Variants in PCDHGA3 observed in about 807,000 individuals in gnomAD.
PCDHGA3 encodes protocadherin gamma-A3.
PCDHGA3 carries 40 observed loss-of-function variants against 58.5 expected under a neutral mutation model. That is an observed-to-expected ratio of 0.68 (90% CI 0.53 to 0.89). PCDHGA3 has a LOEUF of 0.89. PCDHGA3 is among the 40% of genes least tolerant of loss of function. The pLI is 0.00. For synonymous variants in PCDHGA3, 530 were observed against 525.7 expected (o/e 1.01, Z -0.11); for missense variants, 1,223 against 1,195.9 (o/e 1.02, Z -0.33).
intron 1 of PCDHGA3, chr5:141,413,586 C>G (rs2095657085): frequency 2.5e-6 from 4 of 1,613,724 alleles, no homozygotes; most frequent in Admixed American, 1.7e-5. Context: ...CTCCAAAATT[C>G]CAAGCAGAAA....
At position 141,432,640 on chromosome 5, in the gene PCDHGA3, C is replaced by T. The variant is rs2097523683; in HGVS notation, c.2425-62167C>T. On this transcript the variant is annotated intron_variant, in intron 1 of 3. Transcript: ENST00000253812. This position sits in a 1 kb window ranked among gnomAD's most constrained non-coding sequence, Gnocchi z 6.0. ...TGGGTCTGCACACGGGCGAGGTGCG[C>T]ACGGCGCGAGCCCTGCTGGACAGAG... 1.9e-6 allele frequency: 3 copies of T among 1,613,814 alleles called. No individual in the cohort carries two copies. The highest frequency in any genetic ancestry group is 2.5e-6 in the Non-Finnish European group (3 of 1,179,932).
intron 1 of PCDHGA3, among the ~76,000 whole-genome samples, chr5:141,460,070 T>C (rs547558436): frequency 2.0e-5 from 3 of 152,202 alleles, no homozygotes; most frequent in South Asian, 2.1e-4. Flanking sequence ...AGAGTGAGAC[T>C]TCATCTAAAA....
chr5:141,414,185 T>C lies in PCDHGA3; in HGVS notation c.2424+67728T>C, dbSNP rs374044785. ...GGAGCATATCTTGCAACTGCAAAAG[T>C]GTTGATTACAGTAGAAGATGTAAAT... On this transcript the variant is annotated intron_variant, in intron 1 of 3. Transcript: ENST00000253812. The C allele has an allele frequency of 1.2e-5, 19 of 1,609,558 alleles. No homozygotes were observed. The highest frequency in any genetic ancestry group is 1.6e-5 in the Non-Finnish European group (19 of 1,177,778).
chr5:141,424,061 CTGATT>C, intron 1 of PCDHGA3: 1 of 1,003,194 alleles, frequency 1.0e-6, no homozygotes, highest in Non-Finnish European at 1.2e-6. Flanking sequence ...TGTGCCTTCA[CTGATT>C]TGTAGTTATA....
At chr5:141,364,328 G>A in intron 1 of PCDHGA3, 1 of 1,530,786 alleles carries the variant, frequency 6.5e-7, no homozygotes. Context: ...CAGAGAGAAG[G>A]CAATGGCGAG....
chr5:141,503,130 C>A (rs1406819266), intron 2 of PCDHGA3, among the ~76,000 whole-genome samples: 1 of 151,980 alleles, frequency 6.6e-6, no homozygotes, highest in Non-Finnish European at 1.5e-5. Context: ...CCTCTGGTAG[C>A]CCCTGACACA....
chr5:141,456,712 C>T (rs1025899058), intron 1 of PCDHGA3, among the ~76,000 whole-genome samples: 2 of 152,190 alleles, frequency 1.3e-5, no homozygotes, highest in African/African-American at 4.8e-5. Context: ...CGCCTGTAAT[C>T]CCAGCACTTT....
Position 141,470,005 on chromosome 5 carries a change from T to A in PCDHGA3, c.2425-24802T>A, listed in dbSNP as rs189976589. Reference sequence around the variant, plus strand: ...AATTAGCTGGTCGTCGTGGCACGCCTGTAATCCCAGCTACTCGGGATGCTG... The same window carrying A: ...AATTAGCTGGTCGTCGTGGCACGCCAGTAATCCCAGCTACTCGGGATGCTG... On this transcript the variant is annotated intron_variant, in intron 1 of 3. Coordinates refer to ENST00000253812, the MANE Select transcript of PCDHGA3 (RefSeq NM_018916.4). 2.4e-4 allele frequency among the ~76,000 whole-genome samples: 37 copies of A among 152,254 alleles called. 2 individuals carry two copies. The highest frequency in any genetic ancestry group is 7.2e-4 in the Admixed American group (11 of 15,274).
At chr5:141,357,705 A>G (rs758183715) in intron 1 of PCDHGA3, 18 of 1,494,178 alleles carry the variant, frequency 1.2e-5, no homozygotes, top group Non-Finnish European at 1.6e-5. Flanking sequence ...TATGTAATAT[A>G]TCAAATAAAG....
intron 1 of PCDHGA3, among the ~76,000 whole-genome samples, chr5:141,460,003 A>AG (rs1177398494): frequency 6.6e-6 from 1 of 152,186 alleles, no homozygotes; most frequent in African/African-American, 2.4e-5. Context: ...GCTTGAACCC[A>AG]GGAGGCGGAG....
At chr5:141,348,751 A>G (rs1347610268) in intron 1 of PCDHGA3, among the ~76,000 whole-genome samples, 1 of 152,230 alleles carries the variant, frequency 6.6e-6, no homozygotes, top group African/African-American at 2.4e-5. Context: ...AAAGGAATGG[A>G]AAGTATAAAG....
chr5:141,504,209 C>T (rs1305672612), intron 2 of PCDHGA3, among the ~76,000 whole-genome samples: 1 of 152,180 alleles, frequency 6.6e-6, no homozygotes, highest in Non-Finnish European at 1.5e-5. Flanking sequence ...TGGGAAAATT[C>T]CAAGTAGAGC....
rs775092851 is a variant in PCDHGA3 at position 141,388,890 on chromosome 5, A to G, written c.2424+42433A>G. ...GCAATGCACAGTGGAGGTAGAAGTC[A>G]TAGATGAAAATGACAACGCCCCAGA... On this transcript the variant is annotated intron_variant, in intron 1 of 3. Coordinates refer to ENST00000253812, the MANE Select transcript of PCDHGA3 (RefSeq NM_018916.4). The G allele has an allele frequency of 3.7e-6, 6 of 1,613,888 alleles. No individual in the cohort carries two copies. The African/African-American group carries it at 6.7e-5, about 18-fold the overall frequency.
At chr5:141,480,178 C>T (rs143309515) in intron 1 of PCDHGA3, among the ~76,000 whole-genome samples, 346 of 150,752 alleles carry the variant, frequency 2.3e-3, no homozygotes, top group Non-Finnish European at 2.8e-3. Flanking sequence ...CTGAGGCAGG[C>T]GGATTGCTTG....
intron 1 of PCDHGA3, chr5:141,400,006 G>T (rs758879836): frequency 1.9e-5 from 30 of 1,612,536 alleles, no homozygotes; most frequent in Non-Finnish European, 2.5e-5. Flanking sequence ...CACAGCGCGT[G>T]CCTTGGGCGA....
intron 1 of PCDHGA3, chr5:141,383,556 C>A: frequency 6.2e-7 from 1 of 1,612,766 alleles, no homozygotes; most frequent in Non-Finnish European, 8.5e-7. Context: ...ATGGCGGCGA[C>A]CCGCCCCGAT....
chr5:141,375,486 G>C (rs1193457334), intron 1 of PCDHGA3: 1 of 1,613,796 alleles, frequency 6.2e-7, no homozygotes, highest in Non-Finnish European at 8.5e-7. Flanking sequence ...AACCCCAGGG[G>C]TGCCTCCATC....
chr5:141,436,193 A>G (rs2097801112), intron 1 of PCDHGA3, among the ~76,000 whole-genome samples: 1 of 152,156 alleles, frequency 6.6e-6, no homozygotes, highest in South Asian at 2.1e-4. Flanking sequence ...AAATAGAAAG[A>G]AAGACATAAT....
intron 1 of PCDHGA3, chr5:141,371,346 G>A: frequency 6.2e-7 from 1 of 1,613,880 alleles, no homozygotes; most frequent in Non-Finnish European, 8.5e-7. Flanking sequence ...CTACACAATT[G>A]GGGTGGAAGC....
Sources: allele counts gnomAD v4.1 joint callset (sites outside exome capture counted in the v4.1 genomes callset), GRCh38; gene constraint gnomAD v4.1.1; non-coding constraint Gnocchi (gnomAD v3.1); transcripts MANE v1.5; gene names NCBI Gene and HGNC (gene_info 2026-07-23, HGNC 2026-07-21).